Variants in CSTPP1 observed in about 807,000 individuals in gnomAD.
The protein encoded by CSTPP1 is centriolar satellite-associated tubulin polyglutamylase complex regulator 1.
At chr11:46,962,060 G>A in the CSTPP1 span, among the ~76,000 whole-genome samples, 1 of 152,116 alleles carries the variant, frequency 6.6e-6, no homozygotes, top group Non-Finnish European at 1.5e-5. Context: ...AAAACCATCA[G>A]ATCTTGTGAG....
the CSTPP1 span, among the ~76,000 whole-genome samples, chr11:47,121,441 G>A: frequency 6.6e-6 from 1 of 152,088 alleles, no homozygotes; most frequent in East Asian, 1.9e-4. Flanking sequence ...AAATTGACTA[G>A]ATATTACTGT....
chr11:47,100,791 A>G, the CSTPP1 span, among the ~76,000 whole-genome samples: 1 of 152,240 alleles, frequency 6.6e-6, no homozygotes, highest in Non-Finnish European at 1.5e-5. Context: ...CCCTGTCTCA[A>G]AAAACAAACA....
chr11:46,962,315 CCA>C, the CSTPP1 span, among the ~76,000 whole-genome samples: 1 of 152,220 alleles, frequency 6.6e-6, no homozygotes, highest in Non-Finnish European at 1.5e-5. Flanking sequence ...TATGCCAGTA[CCA>C]CACAGTCTTG....
At chr11:46,975,025 G>T in the CSTPP1 span, among the ~76,000 whole-genome samples, 1 of 122,142 alleles carries the variant, frequency 8.2e-6, no homozygotes, top group Non-Finnish European at 2.0e-5. Flanking sequence ...GCTCACACCT[G>T]TAATCCCAGC....
chr11:47,091,380 A>C, the CSTPP1 span, among the ~76,000 whole-genome samples: 1 of 152,142 alleles, frequency 6.6e-6, no homozygotes, highest in African/African-American at 2.4e-5. Context: ...TCTCAAAAAA[A>C]AAAAAAATTT....
At chr11:46,950,208 CTG>C in the CSTPP1 span, among the ~76,000 whole-genome samples, 1 of 146,512 alleles carries the variant, frequency 6.8e-6, no homozygotes, top group African/African-American at 2.6e-5. Flanking sequence ...GAGTCTCGCT[CTG>C]TCGCCCAGGC....
chr11:46,950,648 G>A, the CSTPP1 span, among the ~76,000 whole-genome samples: 6 of 151,640 alleles, frequency 4.0e-5, no homozygotes, highest in Non-Finnish European at 1.5e-5. Flanking sequence ...GTCTCACTTT[G>A]TTGCCCAGGC....
the CSTPP1 span, among the ~76,000 whole-genome samples, chr11:47,035,396 TGA>T: frequency 6.6e-6 from 1 of 152,212 alleles, no homozygotes; most frequent in Non-Finnish European, 1.5e-5. Flanking sequence ...ATGAGAACCA[TGA>T]GAGATCACTT....
chr11:46,960,208 C>G, the CSTPP1 span, among the ~76,000 whole-genome samples: 2 of 152,118 alleles, frequency 1.3e-5, no homozygotes, highest in African/African-American at 4.8e-5. Flanking sequence ...ATATATTGCC[C>G]AGGCTGATCT....
At chr11:47,002,686 A>G in the CSTPP1 span, among the ~76,000 whole-genome samples, 3 of 152,044 alleles carry the variant, frequency 2.0e-5, no homozygotes, top group African/African-American at 4.8e-5. Context: ...AAACCATTCA[A>G]TAAGAGGAAA....
chr11:46,938,541 C>T, the CSTPP1 span, among the ~76,000 whole-genome samples: 2 of 151,258 alleles, frequency 1.3e-5, no homozygotes, highest in Non-Finnish European at 2.9e-5. Flanking sequence ...CCTTCTCCCT[C>T]CCCCTGCAGC....
the CSTPP1 span, among the ~76,000 whole-genome samples, chr11:47,047,411 G>A: frequency 1.2e-5 from 1 of 86,030 alleles, no homozygotes; most frequent in South Asian, 3.8e-4. Context: ...CACTGGAATA[G>A]ATTAGGAAGC....
the CSTPP1 span, among the ~76,000 whole-genome samples, chr11:47,135,072 C>T: frequency 6.6e-6 from 1 of 151,988 alleles, no homozygotes; most frequent in South Asian, 2.1e-4. Context: ...CACTGCACTC[C>T]AGCCTGGGTA....
At chr11:47,155,001 T>C in the CSTPP1 span, 1 of 631,190 alleles carries the variant, frequency 1.6e-6, no homozygotes, top group Non-Finnish European at 2.8e-6. Context: ...GGGAGGAGCT[T>C]GCTTTTGGGA....
chr11:47,141,035 A>G, the CSTPP1 span, among the ~76,000 whole-genome samples: 1 of 152,104 alleles, frequency 6.6e-6, no homozygotes, highest in African/African-American at 2.4e-5. Context: ...TGCAACAACT[A>G]TATCCTATAT....
the CSTPP1 span, among the ~76,000 whole-genome samples, chr11:46,997,971 A>G: frequency 0.02 from 3,052 of 152,246 alleles, 96 homozygotes; most frequent in African/African-American, 0.069. Flanking sequence ...GTCGGCCCCT[A>G]CTGGGAGGTG....
At chr11:47,063,375 G>A in the CSTPP1 span, among the ~76,000 whole-genome samples, 69 of 152,040 alleles carry the variant, frequency 4.5e-4, 1 homozygote, top group South Asian at 0.014. Flanking sequence ...GTACAGTTCC[G>A]TGGCATTAAG....
At chr11:47,054,928 ATTTTTTTTTTTTT>A in the CSTPP1 span, among the ~76,000 whole-genome samples, 6 of 68,772 alleles carry the variant, frequency 8.7e-5, no homozygotes, top group Non-Finnish European at 7.8e-5. Context: ...ATAAATTTCA[ATTTTTTTTTTTTT>A]TTTTTTTTTT....
the CSTPP1 span, chr11:47,052,395 A>G: frequency 6.2e-7 from 1 of 1,612,804 alleles, no homozygotes; most frequent in Non-Finnish European, 8.5e-7. Flanking sequence ...CAGTTTTAAC[A>G]GTGTATGCCA....
Sources: allele counts gnomAD v4.1 joint callset (sites outside exome capture counted in the v4.1 genomes callset), GRCh38; gene constraint gnomAD v4.1.1; transcripts MANE v1.5; gene names NCBI Gene and HGNC (gene_info 2026-07-23, HGNC 2026-07-21).